The following VAPA variants were observed in gnomAD, a reference collection of about 807,000 sequenced individuals.
VAPA encodes the protein VAMP associated protein A, also known as vesicle-associated membrane protein-associated protein A.
In VAPA, 6 loss-of-function variants were observed where a neutral mutation model predicts 25.6. The observed-to-expected ratio is 0.23, with a 90% CI of 0.13 to 0.46. The LOEUF (loss-of-function observed/expected upper bound fraction) is 0.46. VAPA is among the 20% of genes least tolerant of loss of function. The pLI is 0.99. For missense variants in VAPA, 244 were observed against 302.1 expected (o/e 0.81, Z 1.43); for synonymous variants, 112 against 106.2 (o/e 1.05, Z -0.34).
chr18:9,949,822 A>G (rs2069468472), intron 4 of VAPA: 1 of 152,872 alleles, frequency 6.5e-6, no homozygotes, highest in Admixed American at 6.5e-5. Context: ...TCTTCAAAGC[A>G]TGCTAAGTGC....
chr18:9,914,389 G>A, intron 1 of VAPA, 54 bp downstream of exon 1: 2 of 1,486,982 alleles, frequency 1.3e-6, no homozygotes, highest in Non-Finnish European at 1.8e-6. Context: ...ACCGCTGGCT[G>A]TCGGCGGGGG....
intron 5 of VAPA, among the ~76,000 whole-genome samples, chr18:9,952,571 A>C (rs1342250463): frequency 1.3e-5 from 2 of 151,876 alleles, no homozygotes; most frequent in Non-Finnish European, 2.9e-5. Flanking sequence ...TCTCAAAAAA[A>C]AAAAAAAAAC....
chr18:9,928,410 G>A (rs1320517358), intron 1 of VAPA, among the ~76,000 whole-genome samples: 1 of 152,024 alleles, frequency 6.6e-6, no homozygotes, highest in African/African-American at 2.4e-5. Flanking sequence ...GCTAGCATTC[G>A]GCAAAGTGCT....
chr18:9,936,316 T>C, intron 3 of VAPA, 103 bp downstream of exon 3: 1 of 703,882 alleles, frequency 1.4e-6, no homozygotes, highest in Non-Finnish European at 2.2e-6. Context: ...AAAAGTTAAA[T>C]TTAGGTTTTT....
chr18:9,929,597 T>G (rs776476577), intron 1 of VAPA, among the ~76,000 whole-genome samples: 2 of 152,212 alleles, frequency 1.3e-5, no homozygotes, highest in African/African-American at 4.8e-5. Context: ...CTTAAAGGAT[T>G]CTGTGACTCA....
chr18:9,920,965 C>T (rs1457569154), intron 1 of VAPA, among the ~76,000 whole-genome samples: 2 of 152,190 alleles, frequency 1.3e-5, no homozygotes, highest in Admixed American at 6.5e-5. Context: ...AGCCTTCATG[C>T]CACTGTTGAA....
intron 4 of VAPA, among the ~76,000 whole-genome samples, chr18:9,942,113 T>C (rs920684892): frequency 2.0e-5 from 3 of 152,184 alleles, no homozygotes; most frequent in African/African-American, 7.2e-5. Flanking sequence ...GCATTTGTAT[T>C]TTTTTATTCA....
At chr18:9,915,925 A>T (rs1244609255) in intron 1 of VAPA, 1 of 152,210 alleles carries the variant, frequency 6.6e-6, no homozygotes, top group East Asian at 1.9e-4. Context: ...TTGAGGAATT[A>T]TGAAGAGTCC....
chr18:9,941,728 T>C (rs1325728869), intron 4 of VAPA, among the ~76,000 whole-genome samples: 1 of 152,206 alleles, frequency 6.6e-6, no homozygotes, highest in Non-Finnish European at 1.5e-5. Context: ...CATTATTGGA[T>C]AGTGTGATGC....
At chr18:9,921,896 T>C (rs2069159770) in intron 1 of VAPA, among the ~76,000 whole-genome samples, 1 of 152,210 alleles carries the variant, frequency 6.6e-6, no homozygotes, top group African/African-American at 2.4e-5. Context: ...TATGCGTTAA[T>C]TTAGTAAATT....
intron 4 of VAPA, among the ~76,000 whole-genome samples, chr18:9,943,488 CAGTTG>C (rs1466783068): frequency 1.3e-5 from 2 of 152,146 alleles, no homozygotes; most frequent in Non-Finnish European, 2.9e-5. Context: ...CTAGTGTCTT[CAGTTG>C]AGTTGTTGTC....
chr18:9,914,148 G>C lies in VAPA; in HGVS notation c.-109G>C. On this transcript the variant is annotated 5_prime_UTR_variant, in exon 1 of 6. Transcript: ENST00000400000. The stretch of plus-strand genomic sequence containing the variant: ...GCAGGCGTTAGGGCTCGGGAGCCGC[G>C]AGCCTGGCCTCGTCCTAGAGCTCGG... 1 of 959,324 alleles carries C rather than the reference G, an allele frequency of 1.0e-6. No individual in the cohort carries two copies. The allele number at this position is 959,324 out of a possible 1,614,324, so 59.4% of individuals were successfully genotyped here.
chr18:9,944,254 G>T (rs138126110), intron 4 of VAPA, among the ~76,000 whole-genome samples: 3 of 151,874 alleles, frequency 2.0e-5, no homozygotes, highest in African/African-American at 7.3e-5. Flanking sequence ...GGATTTCAGG[G>T]GTCTTATCAT....
chr18:9,936,898 C>T (rs2069316730), intron 3 of VAPA, 88 bp from the exon 4 acceptor site: 1 of 1,113,296 alleles, frequency 9.0e-7, no homozygotes, highest in African/African-American at 1.6e-5. Context: ...CAGGCAGCTT[C>T]ACTCATCTTT....
chr18:9,937,481 C>T (rs917324245), intron 4 of VAPA, among the ~76,000 whole-genome samples: 1 of 152,012 alleles, frequency 6.6e-6, no homozygotes, highest in Non-Finnish European at 1.5e-5. Context: ...TTAGTTATTC[C>T]TAGGTATTTT....
chr18:9,939,850 A>G (rs954173601), intron 4 of VAPA, among the ~76,000 whole-genome samples: 3 of 152,186 alleles, frequency 2.0e-5, no homozygotes, highest in Non-Finnish European at 4.4e-5. Context: ...CCTCCACAAC[A>G]AAGAATAATC....
At chr18:9,943,641 T>C (rs900791280) in intron 4 of VAPA, among the ~76,000 whole-genome samples, 12 of 152,202 alleles carry the variant, frequency 7.9e-5, no homozygotes, top group African/African-American at 2.4e-4. Context: ...TGTATATACG[T>C]AATGTCCAAT....
intron 2 of VAPA, among the ~76,000 whole-genome samples, chr18:9,932,959 T>G (rs2069271550): frequency 6.6e-6 from 1 of 151,836 alleles, no homozygotes; most frequent in African/African-American, 2.4e-5. Flanking sequence ...ATACAAAAAA[T>G]TAGTCGGGTG....
intron 2 of VAPA, 136 bp downstream of exon 2, chr18:9,932,098 G>T (rs950052997): frequency 6.4e-6 from 4 of 626,922 alleles, no homozygotes; most frequent in Non-Finnish European, 2.6e-6. Context: ...AAGATGTCTT[G>T]TTACAGTACT....
Sources: gnomAD v4.1 joint callset for allele counts (sites outside exome capture counted in the v4.1 genomes callset) on GRCh38, gnomAD v4.1.1 for gene constraint, MANE v1.5 for transcripts, NCBI Gene and HGNC (gene_info 2026-07-23, HGNC 2026-07-21) for gene names.